Variants in MATCAP2 observed in about 807,000 individuals in gnomAD.
The protein encoded by MATCAP2 is putative tyrosine carboxypeptidase MATCAP2.
the MATCAP2 span, among the ~76,000 whole-genome samples, chr7:36,363,693 A>G: frequency 6.6e-6 from 1 of 152,222 alleles, no homozygotes; most frequent in African/African-American, 2.4e-5. Context: ...TCTGTTTATT[A>G]ATAGCTATTA....
At chr7:36,366,928 T>C in the MATCAP2 span, 1 of 1,435,830 alleles carries the variant, frequency 7.0e-7, no homozygotes, top group Admixed American at 3.1e-5. Flanking sequence ...GTCACGCGAA[T>C]GGACTCCAGC....
At chr7:36,372,762 G>T in the MATCAP2 span, among the ~76,000 whole-genome samples, 1 of 152,168 alleles carries the variant, frequency 6.6e-6, no homozygotes, top group Admixed American at 6.5e-5. Flanking sequence ...TGATGAAAAA[G>T]ATATGAAACC....
chr7:36,378,528 T>G, the MATCAP2 span, among the ~76,000 whole-genome samples: 1 of 152,150 alleles, frequency 6.6e-6, no homozygotes, highest in Non-Finnish European at 1.5e-5. Context: ...CTGGGAGATG[T>G]CTCCTAGTTA....
At chr7:36,376,029 C>G in the MATCAP2 span, among the ~76,000 whole-genome samples, 1 of 152,050 alleles carries the variant, frequency 6.6e-6, no homozygotes, top group East Asian at 1.9e-4. Context: ...TTGATCTTTT[C>G]AAAAAACCAG....
the MATCAP2 span, among the ~76,000 whole-genome samples, chr7:36,376,292 C>T: frequency 6.6e-6 from 1 of 152,150 alleles, no homozygotes; most frequent in African/African-American, 2.4e-5. Flanking sequence ...TATGTTGTGT[C>T]TTTGTTCTCA....
At chr7:36,357,487 C>A in the MATCAP2 span, 1 of 1,613,962 alleles carries the variant, frequency 6.2e-7, no homozygotes, top group Non-Finnish European at 8.5e-7. Flanking sequence ...TTAGCACTCC[C>A]GAGGACAAAT....
the MATCAP2 span, among the ~76,000 whole-genome samples, chr7:36,362,213 G>C: frequency 8.5e-5 from 13 of 152,156 alleles, no homozygotes; most frequent in Non-Finnish European, 1.5e-5. Flanking sequence ...CACTATAACA[G>C]ATAATCTATT....
the MATCAP2 span, among the ~76,000 whole-genome samples, chr7:36,352,339 G>A: frequency 7.1e-6 from 1 of 141,550 alleles, no homozygotes; most frequent in African/African-American, 2.6e-5. Flanking sequence ...GGAGGTTGCA[G>A]TAAGCTGAAA....
chr7:36,352,846 T>C, the MATCAP2 span, among the ~76,000 whole-genome samples: 369 of 151,544 alleles, frequency 2.4e-3, 3 homozygotes, highest in African/African-American at 8.6e-3. Flanking sequence ...AAAAAAGTAT[T>C]ATGTTTGTAG....
chr7:36,379,847 CAGAGAG>C, the MATCAP2 span, among the ~76,000 whole-genome samples: 13 of 107,698 alleles, frequency 1.2e-4, no homozygotes, highest in South Asian at 3.3e-4. Flanking sequence ...CACACACACA[CAGAGAG>C]AGAGAGAGAG....
At chr7:36,360,218 G>A in the MATCAP2 span, among the ~76,000 whole-genome samples, 1 of 152,090 alleles carries the variant, frequency 6.6e-6, no homozygotes, top group Admixed American at 6.5e-5. Flanking sequence ...CCAAAGAACT[G>A]AGCTTGCTGA....
chr7:36,373,103 T>TAAAA, the MATCAP2 span, among the ~76,000 whole-genome samples: 2 of 116,192 alleles, frequency 1.7e-5, no homozygotes, highest in Non-Finnish European at 3.5e-5. Flanking sequence ...AGACTTCATC[T>TAAAA]AAAAAAAAAA....
the MATCAP2 span, among the ~76,000 whole-genome samples, chr7:36,340,365 A>G: frequency 6.6e-6 from 1 of 152,222 alleles, no homozygotes; most frequent in African/African-American, 2.4e-5. Flanking sequence ...GACTAAATCA[A>G]AGAATGAATA....
the MATCAP2 span, among the ~76,000 whole-genome samples, chr7:36,359,930 C>T: frequency 1.3e-5 from 2 of 151,852 alleles, no homozygotes; most frequent in Admixed American, 1.3e-4. Context: ...GAAATAGATA[C>T]AAAAAGGGAA....
At chr7:36,349,609 A>C in the MATCAP2 span, among the ~76,000 whole-genome samples, 1 of 152,168 alleles carries the variant, frequency 6.6e-6, no homozygotes, top group Non-Finnish European at 1.5e-5. Flanking sequence ...TTCTGGATGT[A>C]TAAAAGGGTG....
chr7:36,332,524 C>G, the MATCAP2 span, among the ~76,000 whole-genome samples: 1 of 152,198 alleles, frequency 6.6e-6, no homozygotes, highest in Non-Finnish European at 1.5e-5. Flanking sequence ...TAAGGCACTA[C>G]GCTGTCATAC....
the MATCAP2 span, chr7:36,335,158 C>T: frequency 6.2e-7 from 1 of 1,613,920 alleles, no homozygotes; most frequent in Non-Finnish European, 8.5e-7. Flanking sequence ...AAAGCAGGTC[C>T]TCAGTGAGAT....
chr7:36,356,689 C>T, the MATCAP2 span: 10 of 594,494 alleles, frequency 1.7e-5, no homozygotes, highest in South Asian at 1.9e-4. Flanking sequence ...TCACAAAGAG[C>T]CTATATAACA....
At chr7:36,375,294 T>G in the MATCAP2 span, among the ~76,000 whole-genome samples, 1 of 152,354 alleles carries the variant, frequency 6.6e-6, no homozygotes, top group African/African-American at 2.4e-5. Flanking sequence ...TGACCAGTGA[T>G]GATGAGCATT....
Sources: gnomAD v4.1 joint callset for allele counts (sites outside exome capture counted in the v4.1 genomes callset) on GRCh38, gnomAD v4.1.1 for gene constraint, MANE v1.5 for transcripts, NCBI Gene and HGNC (gene_info 2026-07-23, HGNC 2026-07-21) for gene names.